TMEM223: variants seen among roughly 807,000 people sequenced by gnomAD.
TMEM223 encodes the protein transmembrane protein 223.
A neutral mutation model predicts 14.1 loss-of-function variants in TMEM223; 14 were observed. The ratio of observed to expected loss-of-function variants is 0.99; its 90% CI spans 0.66 to 1.55. The LOEUF is 1.55. Ranked by LOEUF, TMEM223 falls within the 40% of genes most tolerant of loss-of-function variation. TMEM223 has a pLI of 0.00. For synonymous variants in TMEM223, 145 were observed against 120.5 expected (o/e 1.20, Z -1.33); for missense variants, 346 against 269.9 (o/e 1.28, Z -1.97).
At chr11:62,779,598 T>C (rs530589109) in intron 1 of TMEM223, among the ~76,000 whole-genome samples, 1 of 152,062 alleles carries the variant, frequency 6.6e-6, no homozygotes, top group South Asian at 2.1e-4. Context: ...AGTGTTGGGA[T>C]GACAGGTGTG....
At chr11:62,776,331 C>T in intron 1 of TMEM223, 1 of 1,588,930 alleles carries the variant, frequency 6.3e-7, no homozygotes, top group East Asian at 2.2e-5. Flanking sequence ...TGGGGTTTCC[C>T]ATGCCCCCTG....
chr11:62,789,587 CTT>C (rs755036491), downstream of TMEM223: 61 of 1,550,276 alleles, frequency 3.9e-5, no homozygotes, highest in Admixed American at 2.8e-4. Context: ...ACAACTGTCT[CTT>C]TGACCTCACA....
intron 1 of TMEM223, chr11:62,775,805 C>T (rs749042287): frequency 1.1e-5 from 18 of 1,610,654 alleles, no homozygotes; most frequent in African/African-American, 5.3e-5. Flanking sequence ...AGAAGAGCGG[C>T]GGTTTGTGGA....
At chr11:62,787,839 C>G (rs1384172327), downstream of TMEM223, 13 of 647,572 alleles carry the variant, frequency 2.0e-5, no homozygotes, top group Admixed American at 4.1e-5. Context: ...GAAGTCAGTG[C>G]AGAACCTGCG....
At chr11:62,782,570 T>A, downstream of TMEM223, 1 of 1,429,766 alleles carries the variant, frequency 7.0e-7, no homozygotes, top group Non-Finnish European at 9.5e-7. Context: ...CTGGCAGCCT[T>A]CTTCACTTAA....
At chr11:62,786,220 A>G (rs778122900), downstream of TMEM223, 10 of 1,590,976 alleles carry the variant, frequency 6.3e-6, no homozygotes, top group Admixed American at 1.7e-5. Context: ...GGGAATAAGT[A>G]TCAAAGACAT....
At chr11:62,776,459 A>T (rs772658993) in intron 1 of TMEM223, 8 of 1,613,450 alleles carry the variant, frequency 5.0e-6, no homozygotes, top group Middle Eastern at 1.6e-4. Flanking sequence ...CCTCAGATGG[A>T]GCAGCGTGGA....
chr11:62,790,629 G>C lies in TMEM223; in HGVS notation c.603C>G (p.Ser201Arg). Residue 201 changes from serine to arginine, a missense_variant, in exon 2 of 2, where the codon AGC (serine) becomes AGG (arginine). Ser to Arg is a moderately radical substitution (Grantham distance 110, BLOSUM62 -1). Transcript: ENST00000307366. ...GTGACTTGAGGTCATTTCTTCACAA[G>C]CTCCGGTAGGCACCCACAGTATTGT... ...LFDNTVGAYR[S>R]L 1.9e-6 allele frequency: 3 copies of C among 1,606,082 alleles called. No individual in the cohort carries two copies. The highest frequency in any genetic ancestry group is 2.6e-6 in the Non-Finnish European group (3 of 1,174,550).
At chr11:62,771,618 C>G (rs2084147757), downstream of TMEM223, 1 of 180,152 alleles carries the variant, frequency 5.6e-6, no homozygotes, top group Non-Finnish European at 1.2e-5. Flanking sequence ...TTCAGTGACC[C>G]CTGACCTCCT....
At chr11:62,776,630 C>A (rs190253592) in intron 1 of TMEM223, among the ~76,000 whole-genome samples, 57 of 152,200 alleles carry the variant, frequency 3.7e-4, no homozygotes, top group African/African-American at 1.3e-3. Flanking sequence ...GTGGGCGGAT[C>A]ACTTGAGGCC....
At chr11:62,784,306 A>AT (rs1030701221), downstream of TMEM223, among the ~76,000 whole-genome samples, 269 of 118,762 alleles carry the variant, frequency 2.3e-3, 2 homozygotes, top group Middle Eastern at 0.018. Context: ...TATATTCTTA[A>AT]TTTTTTTTTT....
chr11:62,791,934 T>G lies in TMEM223; in HGVS notation c.61A>C (p.Thr21Pro). The change falls in exon 1 of 2, where the codon ACC (threonine) becomes CCC (proline). Residue 21 changes from threonine (T) to proline (P), a missense_variant. By Grantham distance (38) the Thr-to-Pro change is conservative. Transcript: ENST00000307366. ...GTCGTGCCTTGCAGGGGCCGGCAGGTGAGCAGGGGCCGCAGCACGGCTAGC... is the reference window on the plus strand; with the variant it reads ...GTCGTGCCTTGCAGGGGCCGGCAGGGGAGCAGGGGCCGCAGCACGGCTAGC... ...GLLAVLRPLL[T>P]CRPLQGTTLQ... The G allele has an allele frequency of 6.3e-7, 1 of 1,595,020 alleles. No individual in the cohort carries two copies. The highest frequency in any genetic ancestry group is 1.7e-5 in the Admixed American group (1 of 57,744).
At chr11:62,783,995 A>ATATATT (rs2084250141), downstream of TMEM223, among the ~76,000 whole-genome samples, 1 of 3,260 alleles carries the variant, frequency 3.1e-4, no homozygotes, top group African/African-American at 1.2e-3. Flanking sequence ...GCGCCACTAC[A>ATATATT]CTCCAGCCCG....
At chr11:62,781,584 G>A (rs2084230134) in intron 1 of TMEM223, 1 of 301,064 alleles carries the variant, frequency 3.3e-6, no homozygotes, top group Admixed American at 5.0e-5. Flanking sequence ...TGAGGCAGGA[G>A]AATGGTGTAA....
intron 1 of TMEM223, chr11:62,782,367 G>A (rs1472929508): frequency 1.2e-6 from 2 of 1,600,720 alleles, no homozygotes; most frequent in Non-Finnish European, 8.5e-7. Context: ...GGGTGGGATT[G>A]CTGCAGAGCC....
chr11:62,789,230 G>A (rs748282015), downstream of TMEM223: 3 of 1,613,762 alleles, frequency 1.9e-6, no homozygotes, highest in South Asian at 2.2e-5. Flanking sequence ...TAACCCTGAG[G>A]GCCAGGGGCT....
At chr11:62,789,051 A>G (rs200792051), downstream of TMEM223, 10 of 1,614,112 alleles carry the variant, frequency 6.2e-6, no homozygotes, top group African/African-American at 1.3e-5. Context: ...TGTCCCCTGT[A>G]TGGTGTGGCC....
chr11:62,772,557 G>C (rs2084156611), intron 2 of TMEM223, among the ~76,000 whole-genome samples: 1 of 147,046 alleles, frequency 6.8e-6, no homozygotes, highest in Non-Finnish European at 1.5e-5. Context: ...GGCCAGGTGC[G>C]GTGGCTCTCA....
intron 1 of TMEM223, chr11:62,774,764 C>A: frequency 2.5e-6 from 1 of 393,502 alleles, no homozygotes. Context: ...GCCTGGCCAA[C>A]ATGGCGAAAT....
Sources: gnomAD v4.1 joint callset for allele counts (sites outside exome capture counted in the v4.1 genomes callset) on GRCh38, gnomAD v4.1.1 for gene constraint, MANE v1.5 for transcripts, NCBI Gene and HGNC (gene_info 2026-07-23, HGNC 2026-07-21) for gene names.